Variants in SPINK8 observed in about 807,000 individuals in gnomAD.
The protein encoded by SPINK8 is serine peptidase inhibitor Kazal type 8 (putative).
Under a neutral mutation model 14.4 loss-of-function variants are expected in SPINK8, and 12 were observed. That is an observed-to-expected ratio of 0.83 (90% CI 0.53 to 1.35). The LOEUF (loss-of-function observed/expected upper bound fraction) is 1.35. Among genes scored for constraint, SPINK8 ranks in the 40% most tolerant of loss-of-function variants. The pLI, the probability that SPINK8 is intolerant of heterozygous loss-of-function variation, is 0.00. For synonymous variants in SPINK8, 32 were observed against 37.6 expected (o/e 0.85, Z 0.55); for missense variants, 103 against 117.0 (o/e 0.88, Z 0.55).
At chr3:48,308,491 T>C (rs2035879812) in intron 7 of SPINK8, among the ~76,000 whole-genome samples, 1 of 152,240 alleles carries the variant, frequency 6.6e-6, no homozygotes. Context: ...AATGCATTTT[T>C]GTCTTAAATA....
At chr3:48,309,146 A>T (rs994804506) in intron 7 of SPINK8, among the ~76,000 whole-genome samples, 1 of 152,192 alleles carries the variant, frequency 6.6e-6, no homozygotes, top group African/African-American at 2.4e-5. Flanking sequence ...CATTGTCATA[A>T]AATTATTACT....
intron 2 of SPINK8, among the ~76,000 whole-genome samples, chr3:48,330,697 C>T (rs2036242369): frequency 6.6e-6 from 1 of 151,784 alleles, no homozygotes; most frequent in Non-Finnish European, 1.5e-5. Context: ...TGCTTTTAGC[C>T]TATTTTGTAT....
chr3:48,314,522 G>A (rs1406901240), intron 6 of SPINK8, among the ~76,000 whole-genome samples: 1 of 152,080 alleles, frequency 6.6e-6, no homozygotes, highest in Non-Finnish European at 1.5e-5. Context: ...CAGCAGCCTG[G>A]CAGCATCTGG....
intron 7 of SPINK8, among the ~76,000 whole-genome samples, chr3:48,307,961 CTTTTTTTTTT>C (rs869147798): frequency 2.5e-4 from 17 of 68,220 alleles, no homozygotes; most frequent in African/African-American, 6.4e-4. Context: ...AGTCTGCATT[CTTTTTTTTTT>C]TTTTTTTTTT....
rs544663882 is a variant in SPINK8 at position 48,319,617 on chromosome 3, A to G, written c.119T>C (p.Val40Ala). 8.7e-6 allele frequency: 14 copies of G among 1,613,872 alleles called. No homozygotes were observed. The highest frequency in any genetic ancestry group is 3.3e-5 in the Admixed American group (2 of 60,006). ...CTTATTTACATTCTTGAGGCATTCA[A>G]CCTGAAGGTGAGACACACACAACTG... The part of the protein sequence containing the change: ...SERGQLDKTI[V>A]ECLKNVNKCW... Residue 40 changes from valine to alanine, a missense_variant and splice_region_variant, in exon 6 of 8, where the codon GTT (valine) becomes GCT (alanine). Coordinates refer to ENST00000434006, the MANE Select transcript of SPINK8 (RefSeq NM_001080525.3).
intron 6 of SPINK8, 143 bp from the exon 7 acceptor site, chr3:48,310,089 T>G (rs752839010): frequency 3.6e-6 from 4 of 1,119,128 alleles, no homozygotes; most frequent in Non-Finnish European, 4.6e-6. Context: ...TTAAAAATTC[T>G]ACTATATGAA....
intron 2 of SPINK8, among the ~76,000 whole-genome samples, chr3:48,331,423 C>G (rs1043674475): frequency 6.6e-6 from 1 of 152,130 alleles, no homozygotes; most frequent in African/African-American, 2.4e-5. Context: ...CCTTTCCTTT[C>G]CTTTCTGATG....
intron 2 of SPINK8, among the ~76,000 whole-genome samples, chr3:48,331,852 C>T (rs2036267830): frequency 6.6e-6 from 1 of 152,174 alleles, no homozygotes; most frequent in African/African-American, 2.4e-5. Flanking sequence ...ACTGAGAAGG[C>T]CGCGCTAGTG....
rs2036174856 is a variant in SPINK8 at position 48,328,348 on chromosome 3, A to G, written c.-7T>C. ...CTGAGCAGATCCCCTTCATGGTGACAGAAGAACTGTGGAAATATGCAACTT... is the reference window on the plus strand; with the variant it reads ...CTGAGCAGATCCCCTTCATGGTGACGGAAGAACTGTGGAAATATGCAACTT... On this transcript the variant is annotated 5_prime_UTR_variant, in exon 4 of 8. Transcript: ENST00000434006. 6.2e-7 allele frequency: 1 copy of G among 1,609,366 alleles called. No homozygotes were observed. Among genetic ancestry groups the G allele is most frequent in the Non-Finnish European group, 8.5e-7 (1 of 1,177,644 alleles).
intron 6 of SPINK8, among the ~76,000 whole-genome samples, chr3:48,318,075 A>G (rs944288241): frequency 6.6e-6 from 1 of 152,184 alleles, no homozygotes; most frequent in East Asian, 1.9e-4. Context: ...TTAAGTTGGT[A>G]TTAATCCAAA....
At chr3:48,331,319 T>C (rs2036257335) in intron 2 of SPINK8, among the ~76,000 whole-genome samples, 1 of 152,184 alleles carries the variant, frequency 6.6e-6, no homozygotes, top group East Asian at 1.9e-4. Flanking sequence ...GATTACCCTA[T>C]ACTAGGGGGT....
At chr3:48,322,473 T>C (rs1433050784) in intron 4 of SPINK8, among the ~76,000 whole-genome samples, 1 of 152,022 alleles carries the variant, frequency 6.6e-6, no homozygotes, top group Admixed American at 6.6e-5. Flanking sequence ...ATAGCTGGGA[T>C]TACAGGTGCA....
At chr3:48,318,774 C>T (rs1357331134) in intron 6 of SPINK8, among the ~76,000 whole-genome samples, 2 of 152,236 alleles carry the variant, frequency 1.3e-5, no homozygotes. Context: ...GGGAGAGAGA[C>T]TTAATTCTGA....
At chr3:48,324,121 A>T (rs2036110347) in intron 4 of SPINK8, among the ~76,000 whole-genome samples, 1 of 152,086 alleles carries the variant, frequency 6.6e-6, no homozygotes, top group South Asian at 2.1e-4. Context: ...ATCCATGAAG[A>T]TGGGATATCT....
At chr3:48,325,722 T>C (rs968410157) in intron 4 of SPINK8, among the ~76,000 whole-genome samples, 13 of 151,642 alleles carry the variant, frequency 8.6e-5, no homozygotes, top group African/African-American at 3.1e-4. Context: ...CCTCCTGAGA[T>C]GGGAGGCTGG....
chr3:48,325,073 A>C (rs891111359), intron 4 of SPINK8, among the ~76,000 whole-genome samples: 2 of 152,122 alleles, frequency 1.3e-5, no homozygotes, highest in African/African-American at 4.8e-5. Flanking sequence ...TTTGTTTTGA[A>C]GTATATTTTG....
intron 2 of SPINK8, among the ~76,000 whole-genome samples, chr3:48,330,810 T>A (rs1390049702): frequency 9.5e-6 from 1 of 104,806 alleles, no homozygotes; most frequent in African/African-American, 2.8e-5. Flanking sequence ...GGCTTACAAA[T>A]TCTTAGTCAG....
chr3:48,325,918 T>TTC (rs911239086), intron 4 of SPINK8, among the ~76,000 whole-genome samples: 3 of 150,448 alleles, frequency 2.0e-5, no homozygotes, highest in African/African-American at 7.3e-5. Flanking sequence ...TTCTTTTCTT[T>TTC]TTTTTTTTTT....
chr3:48,311,000 C>T (rs1186391384), intron 6 of SPINK8, among the ~76,000 whole-genome samples: 2 of 151,912 alleles, frequency 1.3e-5, no homozygotes, highest in Admixed American at 6.6e-5. Context: ...AAAATACCAA[C>T]AAATTGAATA....
Sources: gnomAD v4.1 joint callset for allele counts (sites outside exome capture counted in the v4.1 genomes callset) on GRCh38, gnomAD v4.1.1 for gene constraint, MANE v1.5 for transcripts, NCBI Gene and HGNC (gene_info 2026-07-23, HGNC 2026-07-21) for gene names.